STXBP5L: variants seen among roughly 807,000 people sequenced by gnomAD.
STXBP5L encodes the protein syntaxin-binding protein 5-like.
Under a neutral mutation model 144.5 loss-of-function variants are expected in STXBP5L, and 65 were observed. The ratio of observed to expected loss-of-function variants is 0.45; its 90% CI spans 0.37 to 0.55. The LOEUF (loss-of-function observed/expected upper bound fraction) is 0.55. Among genes scored for constraint, STXBP5L ranks in the 20% least tolerant of loss-of-function variants. The probability of loss-of-function intolerance (pLI) is 0.00; values close to 1 mark genes in which losing one functional copy is unlikely to be tolerated. For missense variants in STXBP5L, 1,298 were observed against 1,405.5 expected (o/e 0.92, Z 1.22); for synonymous variants, 505 against 469.6 (o/e 1.08, Z -0.97).
intron 20 of STXBP5L, among the ~76,000 whole-genome samples, chr3:121,320,339 A>G (rs1339869519): frequency 3.3e-5 from 5 of 151,888 alleles, no homozygotes. Context: ...ATTTTTGTAT[A>G]TTGAGCTTGC....
chr3:121,085,483 G>T (rs562566545), intron 5 of STXBP5L, among the ~76,000 whole-genome samples: 2 of 152,170 alleles, frequency 1.3e-5, no homozygotes, highest in South Asian at 4.1e-4. Context: ...CTCAGGAGAA[G>T]GTTACAAAAT....
At chr3:121,029,792 G>A (rs759956855) in intron 3 of STXBP5L, among the ~76,000 whole-genome samples, 1 of 150,730 alleles carries the variant, frequency 6.6e-6, no homozygotes, top group Admixed American at 6.6e-5. Context: ...TCTGACAAAA[G>A]ACTAATATGC....
intron 19 of STXBP5L, among the ~76,000 whole-genome samples, chr3:121,306,576 C>T (rs1448712224): frequency 6.6e-6 from 1 of 152,132 alleles, no homozygotes; most frequent in African/African-American, 2.4e-5. Context: ...TAGAGAGCTT[C>T]AAAGCCCTCC....
At chr3:121,195,258 C>T (rs1261180018) in intron 9 of STXBP5L, among the ~76,000 whole-genome samples, 1 of 152,074 alleles carries the variant, frequency 6.6e-6, no homozygotes, top group Non-Finnish European at 1.5e-5. Flanking sequence ...AGTTTCTCTT[C>T]TTGTCTTGGT....
At chr3:121,201,906 C>T (rs893225236) in intron 9 of STXBP5L, among the ~76,000 whole-genome samples, 1 of 152,168 alleles carries the variant, frequency 6.6e-6, no homozygotes, top group Admixed American at 6.5e-5. Context: ...CCGGCACGTG[C>T]CACCACACCT....
At chr3:121,416,252 G>A (rs1202294116) in intron 25 of STXBP5L, among the ~76,000 whole-genome samples, 1 of 151,778 alleles carries the variant, frequency 6.6e-6, no homozygotes, top group African/African-American at 2.4e-5. Context: ...TCATTTGCAA[G>A]TAGATCATAC....
At chr3:121,260,822 G>C (rs1257036940) in intron 18 of STXBP5L, among the ~76,000 whole-genome samples, 1 of 152,086 alleles carries the variant, frequency 6.6e-6, no homozygotes, top group Non-Finnish European at 1.5e-5. Context: ...TTATCTTTGA[G>C]TACCTGGAAT....
At chr3:121,115,377 ATG>A (rs1435664979) in intron 6 of STXBP5L, among the ~76,000 whole-genome samples, 1 of 152,188 alleles carries the variant, frequency 6.6e-6, no homozygotes, top group African/African-American at 2.4e-5. Context: ...TTCAGTGAGA[ATG>A]AATTGTGTTA....
chr3:120,965,384 T>A (rs914601271), intron 3 of STXBP5L, among the ~76,000 whole-genome samples: 9 of 152,182 alleles, frequency 5.9e-5, no homozygotes, highest in African/African-American at 2.2e-4. Flanking sequence ...ATGGTCTTTA[T>A]AATTTGGCCT....
chr3:121,398,379 G>T (rs541938549), intron 22 of STXBP5L, among the ~76,000 whole-genome samples: 10 of 152,344 alleles, frequency 6.6e-5, no homozygotes, highest in African/African-American at 2.4e-4. Context: ...ACCGGCTGTG[G>T]TGGGGGACAG....
intron 9 of STXBP5L, among the ~76,000 whole-genome samples, chr3:121,187,347 A>G (rs2047430771): frequency 6.8e-6 from 1 of 146,334 alleles, no homozygotes; most frequent in South Asian, 2.3e-4. Context: ...TGGGAATTGA[A>G]CAAAGAGAAC....
intron 4 of STXBP5L, among the ~76,000 whole-genome samples, chr3:121,045,150 T>C (rs1328710564): frequency 6.6e-6 from 1 of 152,084 alleles, no homozygotes; most frequent in African/African-American, 2.4e-5. Context: ...GAAAAACCTT[T>C]AATGGCCATA....
chr3:120,989,925 T>C (rs1576588575), intron 3 of STXBP5L, among the ~76,000 whole-genome samples: 5 of 152,226 alleles, frequency 3.3e-5, no homozygotes, highest in African/African-American at 1.2e-4. Context: ...TCTCACCACT[T>C]CTGCTCAACA....
rs1577267703 is a variant in STXBP5L, at chr3:121,233,535, T to C, written c.1112-81T>C. On this transcript the variant is annotated intron_variant, in intron 11 of 26. Transcript: ENST00000471454. The stretch of plus-strand genomic sequence containing the variant: ...TCACATCATTTAAATAATATTTGTA[T>C]AGGGATAAAGGAAATGCAATTTTGC... 4.2e-6 allele frequency: 4 copies of C among 953,536 alleles called. No homozygotes were observed. In the East Asian group the frequency reaches 1.1e-4, roughly 27 times the overall value. The allele number at this position is 953,536 out of a possible 1,614,324, so 59.1% of individuals were successfully genotyped here.
At chr3:121,250,623 T>A (rs187320129) in intron 14 of STXBP5L, 100 bp from the exon 15 acceptor site, 3 of 981,560 alleles carry the variant, frequency 3.1e-6, no homozygotes, top group East Asian at 5.4e-5. Flanking sequence ...TATTTTTGAA[T>A]CAAAATTGTA....
chr3:121,104,183 G>A (rs913300727), intron 5 of STXBP5L, among the ~76,000 whole-genome samples: 10 of 152,090 alleles, frequency 6.6e-5, no homozygotes, highest in African/African-American at 1.9e-4. Context: ...TAATAAAAAT[G>A]TTATAATTTT....
At chr3:121,242,517 A>G (rs2049704019) in intron 14 of STXBP5L, among the ~76,000 whole-genome samples, 2 of 152,180 alleles carry the variant, frequency 1.3e-5, no homozygotes, top group African/African-American at 4.8e-5. Context: ...ATGCAGAGGT[A>G]CACTTAAAAA....
intron 20 of STXBP5L, among the ~76,000 whole-genome samples, chr3:121,334,958 C>T (rs1338844029): frequency 6.6e-6 from 1 of 152,128 alleles, no homozygotes; most frequent in Admixed American, 6.5e-5. Flanking sequence ...TGGCAAAGAG[C>T]AATCAGGCAA....
chr3:121,130,468 C>T (rs1388398393), intron 7 of STXBP5L, among the ~76,000 whole-genome samples: 1 of 152,068 alleles, frequency 6.6e-6, no homozygotes, highest in Non-Finnish European at 1.5e-5. Context: ...AGAATTCCAT[C>T]TGTTGCAAAA....
Sources: gnomAD v4.1 joint callset for allele counts (sites outside exome capture counted in the v4.1 genomes callset) on GRCh38, gnomAD v4.1.1 for gene constraint, MANE v1.5 for transcripts, NCBI Gene and HGNC (gene_info 2026-07-23, HGNC 2026-07-21) for gene names.